Variants in FSD1L observed in about 807,000 individuals in gnomAD.
The protein encoded by FSD1L is FSD1-like protein.
FSD1L carries 45 observed loss-of-function variants against 71.6 expected under a neutral mutation model. The observed-to-expected ratio is 0.63, with a 90% confidence interval of 0.49 to 0.81. The LOEUF (loss-of-function observed/expected upper bound fraction) is 0.81. FSD1L is among the 30% of genes least tolerant of loss of function. The probability of loss-of-function intolerance (pLI) is 0.00; values close to 1 mark genes in which losing one functional copy is unlikely to be tolerated. For missense variants in FSD1L, 561 were observed against 618.1 expected, an observed-to-expected ratio of 0.91 and a Z score of 0.98; for synonymous variants, 197 against 207.2, an observed-to-expected ratio of 0.95 and a Z score of 0.42.
At chr9:105,535,435 G>A (rs1836205780) in intron 12 of FSD1L, 117 bp downstream of exon 12, 1 of 1,085,254 alleles carries the variant, frequency 9.2e-7, no homozygotes, top group Non-Finnish European at 1.3e-6. Context: ...TTTTGATCAG[G>A]TAGGCTTTTG....
At chr9:105,510,700 G>A (rs1354122936) in intron 9 of FSD1L, among the ~76,000 whole-genome samples, 2 of 152,210 alleles carry the variant, frequency 1.3e-5, no homozygotes, top group Non-Finnish European at 2.9e-5. Flanking sequence ...AGTAATATAA[G>A]TTCTTATCAC....
chr9:105,531,993 C>T (rs1835923568), intron 10 of FSD1L, among the ~76,000 whole-genome samples: 1 of 152,086 alleles, frequency 6.6e-6, no homozygotes, highest in Non-Finnish European at 1.5e-5. Flanking sequence ...TGAAATGTTT[C>T]CAGAAGCCTG....
intron 8 of FSD1L, among the ~76,000 whole-genome samples, chr9:105,507,450 A>G (rs1834123025): frequency 6.6e-6 from 1 of 152,238 alleles, no homozygotes; most frequent in Non-Finnish European, 1.5e-5. Context: ...AGTACATCTC[A>G]TTTAATCAGC....
intron 10 of FSD1L, among the ~76,000 whole-genome samples, chr9:105,531,774 A>C (rs915123945): frequency 6.6e-6 from 1 of 152,176 alleles, no homozygotes; most frequent in Non-Finnish European, 1.5e-5. Context: ...TGTCACATGA[A>C]CTTTTGGAGA....
At chr9:105,460,984 G>C (rs999634847) in intron 1 of FSD1L, among the ~76,000 whole-genome samples, 1 of 152,146 alleles carries the variant, frequency 6.6e-6, no homozygotes, top group African/African-American at 2.4e-5. Context: ...TAAAAACTGA[G>C]AAATGAGTGA....
rs1473931117 is a variant in FSD1L at position 105,551,696 on chromosome 9, C to A, written c.*5213C>A. ...ATTTAATTTGTGCATGACTTGTGGC[C>A]TTTTTGTATTTTCTCAAGCCTATTA... On this transcript the variant is annotated 3_prime_UTR_variant, in exon 14 of 14. Transcript: ENST00000481272. 1 of 152,008 alleles carries A rather than the reference C, an allele frequency of 6.6e-6. No individual in the cohort carries two copies. Among genetic ancestry groups the A allele is most frequent in the Admixed American group, 6.6e-5 (1 of 15,264 alleles). 9.4% of individuals were successfully genotyped at this position (152,008 alleles called of 1,614,324 possible). A position where few individuals can be genotyped will look rare whatever the true frequency, so the allele number is the denominator to read the frequency against.
chr9:105,519,902 C>A (rs900767197), intron 10 of FSD1L, among the ~76,000 whole-genome samples: 1 of 152,194 alleles, frequency 6.6e-6, no homozygotes, highest in Non-Finnish European at 1.5e-5. Context: ...GAGAGGGATC[C>A]GCCATATTGG....
intron 1 of FSD1L, among the ~76,000 whole-genome samples, chr9:105,457,330 C>G (rs1014461711): frequency 6.6e-6 from 1 of 152,108 alleles, no homozygotes; most frequent in African/African-American, 2.4e-5. Context: ...GTGGACAGAT[C>G]ATTTGAGATC....
At chr9:105,451,278 G>A (rs771971484) in intron 1 of FSD1L, among the ~76,000 whole-genome samples, 1 of 152,200 alleles carries the variant, frequency 6.6e-6, no homozygotes, top group East Asian at 1.9e-4. Flanking sequence ...TACTTTTAAA[G>A]CATCTTTTCT....
intron 5 of FSD1L, among the ~76,000 whole-genome samples, chr9:105,474,497 AAC>A (rs1182650758): frequency 2.6e-5 from 4 of 152,182 alleles, no homozygotes; most frequent in Admixed American, 6.5e-5. Context: ...TCAAGTAAAA[AAC>A]TAAGTTCACT....
chr9:105,512,292 G>A (rs1029480345), intron 9 of FSD1L, among the ~76,000 whole-genome samples: 1 of 151,794 alleles, frequency 6.6e-6, no homozygotes, highest in Non-Finnish European at 1.5e-5. Flanking sequence ...TCCTTGTTCT[G>A]CCATCACGGC....
intron 12 of FSD1L, 37 bp from the exon 13 acceptor site, chr9:105,539,226 T>A: frequency 1.1e-6 from 1 of 945,418 alleles, no homozygotes; most frequent in East Asian, 2.7e-5. Context: ...TACAATTTTT[T>A]GTATAATAAA....
At position 105,528,426 on chromosome 9, in the gene FSD1L, A is replaced by G. The variant is rs149677768; in HGVS notation, c.1026-6067A>G. The stretch of plus-strand genomic sequence containing the variant: ...ACCAAAACAGCATGGCACTGGTACC[A>G]AAACAGATACATAGACCAATGGAAG... On this transcript the variant is annotated intron_variant, in intron 10 of 13. Coordinates refer to ENST00000481272, the MANE Select transcript of FSD1L (RefSeq NM_001145313.3). 5.6e-3 allele frequency among the ~76,000 whole-genome samples: 851 copies of G among 152,352 alleles called. 10 individuals are homozygous for G. Among genetic ancestry groups the G allele is most frequent in the African/African-American group, 0.02 (824 of 41,576 alleles).
chr9:105,539,242 C>CT, intron 12 of FSD1L, 21 bp from the exon 13 acceptor site: 4 of 1,167,958 alleles, frequency 3.4e-6, no homozygotes, highest in Non-Finnish European at 4.8e-6. Flanking sequence ...ATAAATTAGG[C>CT]TTTTTTTCCT....
intron 7 of FSD1L, among the ~76,000 whole-genome samples, chr9:105,485,104 A>G (rs1023069438): frequency 6.6e-6 from 1 of 152,196 alleles, no homozygotes; most frequent in Non-Finnish European, 1.5e-5. Flanking sequence ...TGAGTCCTAA[A>G]TTATTCACAT....
upstream of FSD1L, among the ~76,000 whole-genome samples, chr9:105,447,167 T>C (rs1379522704): frequency 6.6e-6 from 1 of 150,916 alleles, no homozygotes; most frequent in African/African-American, 2.4e-5. Flanking sequence ...CCGCTAAAAG[T>C]ACAAAAAATT....
Position 105,464,238 on chromosome 9 carries a change from A to T in FSD1L, c.114A>T (p.Glu38Asp). 6.9e-7 allele frequency: 1 copy of T among 1,459,270 alleles called. No homozygotes were observed. The highest frequency in any genetic ancestry group is 9.3e-7 in the Non-Finnish European group (1 of 1,076,858). 90.4% of individuals were successfully genotyped at this position (1,459,270 alleles called of 1,614,324 possible). A position where few individuals can be genotyped will look rare whatever the true frequency, so the allele number is the denominator to read the frequency against. The change falls in exon 3 of 14, where the codon GAA (glutamate) becomes GAT (aspartate). Residue 38 changes from glutamate (E) to aspartate (D), a missense_variant and splice_region_variant. This residue lies in a region of FSD1L where 410 missense variants were observed against 413.5 expected (regional missense o/e 0.99). Coordinates refer to ENST00000481272, the MANE Select transcript of FSD1L (RefSeq NM_001145313.3). ...TTTAATGCTTTTCTTAATTCTAGGAAGCTCTACAGAGGATCATTTCAACTC... is the reference window on the plus strand; with the variant it reads ...TTTAATGCTTTTCTTAATTCTAGGATGCTCTACAGAGGATCATTTCAACTC... ...IGPESINLQQ[E>D]ALQRIISTLA...
intron 5 of FSD1L, among the ~76,000 whole-genome samples, chr9:105,475,324 G>A (rs1341632346): frequency 2.6e-5 from 4 of 152,190 alleles, no homozygotes; most frequent in African/African-American, 4.8e-5. Context: ...AAGGGGAACA[G>A]TGTCTTCTGC....
At chr9:105,514,083 A>C (rs1834554843) in intron 10 of FSD1L, among the ~76,000 whole-genome samples, 1 of 152,228 alleles carries the variant, frequency 6.6e-6, no homozygotes, top group Admixed American at 6.5e-5. Flanking sequence ...CCATTGCTAA[A>C]ATTATCAAGA....
Sources: gnomAD v4.1 joint callset for allele counts (sites outside exome capture counted in the v4.1 genomes callset) on GRCh38, gnomAD v4.1.1 for gene constraint, gnomAD v4.1.1 regional missense constraint, MANE v1.5 for transcripts, NCBI Gene and HGNC (gene_info 2026-07-23, HGNC 2026-07-21) for gene names.